OAT: variants seen among roughly 807,000 people sequenced by gnomAD.
OAT encodes ornithine aminotransferase.
A neutral mutation model predicts 48.4 loss-of-function variants in OAT; 35 were observed. The ratio of observed to expected loss-of-function variants is 0.72; its 90% CI spans 0.55 to 0.96. OAT has a LOEUF of 0.96. OAT is among the 40% of genes least tolerant of loss of function. The pLI is 0.00. For missense variants in OAT, 438 were observed against 537.9 expected, an observed-to-expected ratio of 0.81 and a Z score of 1.84; for synonymous variants, 182 against 198.4, an observed-to-expected ratio of 0.92 and a Z score of 0.70.
rs1951494793 is a variant in OAT at position 124,403,852 on chromosome 10, A to G, written c.717T>C (p.Val239=). 1 of 1,614,050 alleles carries G rather than the reference A, an allele frequency of 6.2e-7. No homozygotes were observed. Among genetic ancestry groups the G allele is most frequent in the African/African-American group, 1.3e-5 (1 of 74,930 alleles). The change falls in exon 6 of 10, where the codon GTT becomes GTC. Residue 239 remains valine, a synonymous_variant. Coordinates refer to ENST00000368845, the MANE Select transcript of OAT (RefSeq NM_000274.4). ...CCATTAGGTAACCTGGATCCGGAAC[A>G]ACAACGCCTGCTTCACCCTGAATTG... ...VEPIQGEAGV[V]VPDPGYLMGV...
At chr10:124,406,173 T>A in intron 4 of OAT, 1 of 941,126 alleles carries the variant, frequency 1.1e-6, no homozygotes, top group Non-Finnish European at 1.3e-6. Flanking sequence ...ACTGAGGATC[T>A]ACTATGTCAG....
At chr10:124,410,914 T>G (rs1589714420) in intron 2 of OAT, among the ~76,000 whole-genome samples, 1 of 151,466 alleles carries the variant, frequency 6.6e-6, no homozygotes, top group Non-Finnish European at 1.5e-5. Flanking sequence ...CTGAGGTGGG[T>G]GGATCACCTG....
intron 4 of OAT, among the ~76,000 whole-genome samples, chr10:124,408,294 T>A (rs1564735682): frequency 2.2e-5 from 1 of 45,576 alleles, no homozygotes; most frequent in African/African-American, 1.3e-4. Context: ...AGTGTGTGTG[T>A]GTGTGTGTGT....
intron 1 of OAT, among the ~76,000 whole-genome samples, chr10:124,415,727 T>C (rs1023684753): frequency 2.0e-5 from 3 of 152,080 alleles, no homozygotes; most frequent in Non-Finnish European, 2.9e-5. Flanking sequence ...TTCTGAAGAG[T>C]AACTCTGGGT....
chr10:124,416,188 T>C (rs867296190), intron 1 of OAT, among the ~76,000 whole-genome samples: 119 of 152,200 alleles, frequency 7.8e-4, no homozygotes, highest in African/African-American at 2.7e-3. Context: ...TTTATGCCTA[T>C]AAGTCTATAC....
In OAT at chr10:124,408,735, T is replaced by C; in HGVS notation, c.424+6A>G. ...GGGTATTTAACAAAAAAAGGAAATG[T>C]TTTACCTGTATTCATAGGAAGAACT... On this transcript the variant is annotated splice_donor_region_variant and intron_variant, in intron 3 of 9. Coordinates refer to ENST00000368845, the MANE Select transcript of OAT (RefSeq NM_000274.4). 1.3e-6 allele frequency: 2 copies of C among 1,596,354 alleles called. No individual in the cohort carries two copies. The highest frequency in any genetic ancestry group is 1.7e-6 in the Non-Finnish European group (2 of 1,164,586).
chr10:124,416,866 T>TAAAAAAA, intron 1 of OAT, among the ~76,000 whole-genome samples: 1 of 144,424 alleles, frequency 6.9e-6, no homozygotes, highest in Admixed American at 6.9e-5. Context: ...TACAGGCCTT[T>TAAAAAAA]AAAAAAAAAA....
intron 9 of OAT, 84 bp downstream of exon 9, chr10:124,400,752 AAAAT>A: frequency 8.7e-7 from 1 of 1,143,786 alleles, no homozygotes; most frequent in Non-Finnish European, 1.3e-6. Context: ...TCCGTCTCGA[AAAAT>A]AAATAAATTA....
chr10:124,411,139 C>CAAAAA (rs370084432), intron 2 of OAT, among the ~76,000 whole-genome samples: 10 of 15,004 alleles, frequency 6.7e-4, no homozygotes, highest in East Asian at 4.1e-3. Context: ...CATTCCGTCT[C>CAAAAA]AAAAAAAAAA....
Position 124,404,630 on chromosome 10 carries a change from G to A in OAT, c.649-710C>T, listed in dbSNP as rs151257825. ...TGTAGAGACAGGCTCTCCCTATGCT[G>A]CCCAGGCTGGTCTTGAACTCCTGAA... On this transcript the variant is annotated intron_variant, in intron 5 of 9. Coordinates refer to ENST00000368845, the MANE Select transcript of OAT (RefSeq NM_000274.4). Among the ~76,000 whole-genome samples the A allele has an allele frequency of 2.0e-3, 310 of 152,074 alleles. 6 individuals carry two copies. The East Asian group carries it at 0.05, about 25-fold the overall frequency.
rs1290889858 is a variant in OAT, at chr10:124,397,789, G to C, written c.*153C>G. On this transcript the variant is annotated 3_prime_UTR_variant, in exon 10 of 10. Transcript: ENST00000368845. ...AGCAAACGGCAGGTTCATAAACGTT[G>C]TTCTATTATGTATCAACTGAAAAAA... 12 of 741,968 alleles carry C rather than the reference G, an allele frequency of 1.6e-5. No individual in the cohort carries two copies. Among genetic ancestry groups the C allele is most frequent in the Non-Finnish European group, 2.3e-5 (10 of 443,262 alleles). 46.0% of individuals were successfully genotyped at this position (741,968 alleles called of 1,614,324 possible). A position where few individuals can be genotyped will look rare whatever the true frequency, so the allele number is the denominator to read the frequency against.
chr10:124,403,727 G>C (rs1022517976), intron 6 of OAT, 71 bp downstream of exon 6: 3 of 1,600,456 alleles, frequency 1.9e-6, no homozygotes, highest in South Asian at 2.2e-5. Flanking sequence ...AGTTGGGGAG[G>C]AGCCCATTCA....
chr10:124,403,191 T>A, intron 6 of OAT, 136 bp from the exon 7 acceptor site: 2 of 928,738 alleles, frequency 2.2e-6, no homozygotes, highest in Non-Finnish European at 3.5e-6. Flanking sequence ...AAAAATGTTT[T>A]AACTGCACAC....
At chr10:124,403,983 G>A in intron 5 of OAT, 63 bp from the exon 6 acceptor site, 1 of 1,587,948 alleles carries the variant, frequency 6.3e-7, no homozygotes, top group Non-Finnish European at 8.6e-7. Context: ...AAATCTGAAA[G>A]CATATACCAC....
intron 1 of OAT, among the ~76,000 whole-genome samples, 160 bp downstream of exon 1, chr10:124,418,713 G>C (rs977276397): frequency 3.3e-5 from 5 of 152,044 alleles, no homozygotes; most frequent in Admixed American, 1.3e-4. Context: ...CCGCTGAAGC[G>C]GGGCTCGTTC....
Position 124,412,031 on chromosome 10 carries a change from T to C in OAT, c.141A>G (p.Glu47=). The C allele has an allele frequency of 6.2e-7, 1 of 1,614,258 alleles. No homozygotes were observed. The highest frequency in any genetic ancestry group is 8.5e-7 in the Non-Finnish European group (1 of 1,180,046). ...PPTSDDIFER[E]YKYGAHNYHP... is the part of the protein sequence containing the mutation. ...GGTAGTTGTGTGCACCATACTTATA[T>C]TCCCTTTCAAAAATGTCATCAGAGG... The change falls in exon 2 of 10, where the codon GAA becomes GAG. Residue 47 remains glutamate (E), a synonymous_variant. Transcript: ENST00000368845.
chr10:124,402,781 T>A (rs886307503), intron 7 of OAT, 146 bp downstream of exon 7: 1 of 1,030,432 alleles, frequency 9.7e-7, no homozygotes, highest in Non-Finnish European at 1.5e-6. Context: ...AATGTTTTTA[T>A]TACAGATATT....
At position 124,408,880 on chromosome 10, in the gene OAT, G is replaced by A; in HGVS notation, c.285C>T (p.Pro95=). 6.2e-7 allele frequency: 1 copy of A among 1,613,670 alleles called. No homozygotes were observed. The highest frequency in any genetic ancestry group is 8.5e-7 in the Non-Finnish European group (1 of 1,179,956). The change falls in exon 3 of 10, where the codon CCC becomes CCT. Residue 95 remains proline (P), a synonymous_variant. Coordinates refer to ENST00000368845, the MANE Select transcript of OAT (RefSeq NM_000274.4). ...YSAVNQGHCH[P]KIVNALKSQV... ...GACTCTTCAGAGCATTCACAATCTT[G>A]GGGTGACAATGCCCTTGGTTGACAG...
intron 8 of OAT, 23 bp from the exon 9 acceptor site, chr10:124,401,007 C>T (rs1173156664): frequency 2.5e-6 from 4 of 1,583,808 alleles, no homozygotes; most frequent in Non-Finnish European, 1.7e-6. Flanking sequence ...AAAAATTATA[C>T]AAATATTAAG....
Sources: allele counts gnomAD v4.1 joint callset (sites outside exome capture counted in the v4.1 genomes callset), GRCh38; gene constraint gnomAD v4.1.1; transcripts MANE v1.5; gene names NCBI Gene and HGNC (gene_info 2026-07-23, HGNC 2026-07-21).